The following KAZN variants were observed in gnomAD, a reference collection of about 807,000 sequenced individuals.
KAZN encodes kazrin, periplakin interacting protein, also known as kazrin.
Under a neutral mutation model 87.4 loss-of-function variants are expected in KAZN, and 40 were observed. That is an observed-to-expected ratio of 0.46 (90% CI 0.36 to 0.60). The LOEUF (loss-of-function observed/expected upper bound fraction) is 0.60. Among genes scored for constraint, KAZN ranks in the 20% least tolerant of loss-of-function variants. The probability of loss-of-function intolerance (pLI) is 0.00; values close to 1 mark genes in which losing one functional copy is unlikely to be tolerated. For synonymous variants in KAZN, 466 were observed against 458.3 expected (o/e 1.02, Z -0.22); for missense variants, 898 against 1,073.9 (o/e 0.84, Z 2.29).
chr1:14,249,567 T>C (rs1363404975), intron 2 of KAZN, among the ~76,000 whole-genome samples: 1 of 152,218 alleles, frequency 6.6e-6, no homozygotes. Flanking sequence ...GTCTTCATTG[T>C]CAGGCAGGCA....
At chr1:14,482,255 C>G (rs1218334714) in intron 2 of KAZN, among the ~76,000 whole-genome samples, 4 of 152,218 alleles carry the variant, frequency 2.6e-5, no homozygotes, top group African/African-American at 9.6e-5. Context: ...CAGACCAAGA[C>G]AAATTTCTAC....
intron 1 of KAZN, among the ~76,000 whole-genome samples, chr1:14,747,675 A>G (rs1481242518): frequency 6.6e-6 from 1 of 152,258 alleles, no homozygotes; most frequent in African/African-American, 2.4e-5. Flanking sequence ...AACATTAAAT[A>G]CAAGTATCAG....
chr1:14,389,367 A>T (rs186960692), intron 2 of KAZN, among the ~76,000 whole-genome samples: 37 of 152,370 alleles, frequency 2.4e-4, no homozygotes, highest in African/African-American at 8.4e-4. Context: ...TACTGAAAAG[A>T]AAGGAAATCT....
At position 14,056,015 on chromosome 1, in the gene KAZN, T is replaced by C. The variant is rs376002205; in HGVS notation, c.92-124420T>C. Among the ~76,000 whole-genome samples the C allele has an allele frequency of 3.9e-5, 6 of 152,116 alleles. No homozygotes were observed. In the East Asian group the frequency reaches 7.7e-4, roughly 20 times the overall value. On this transcript the variant is annotated intron_variant, in intron 1 of 16. Coordinates refer to the KAZN transcript ENST00000636203. ...TCTTATCACCACCTTAATCTGAATT[T>C]CTAGTTTCTGCACTTTGCTCTGTGA...
chr1:14,730,922 C>G (rs532637887), intron 1 of KAZN, among the ~76,000 whole-genome samples: 5 of 152,180 alleles, frequency 3.3e-5, no homozygotes, highest in Non-Finnish European at 5.9e-5. Context: ...GATGCCCACT[C>G]TTGGGCACAG....
At chr1:13,997,895 A>G (rs1044773809) in intron 1 of KAZN, among the ~76,000 whole-genome samples, 5 of 152,154 alleles carry the variant, frequency 3.3e-5, no homozygotes, top group Admixed American at 2.6e-4. Context: ...CCACAAGAAG[A>G]TCAGCCCCAA....
intron 1 of KAZN, among the ~76,000 whole-genome samples, chr1:14,040,192 G>A: frequency 6.6e-6 from 1 of 152,002 alleles, no homozygotes; most frequent in South Asian, 2.1e-4. Context: ...AACCCAACCT[G>A]GGTGACTCAT....
At chr1:14,852,148 G>A (rs1415107680) in intron 1 of KAZN, among the ~76,000 whole-genome samples, 1 of 152,122 alleles carries the variant, frequency 6.6e-6, no homozygotes, top group Admixed American at 6.5e-5. Context: ...CTCCTTCTCT[G>A]CGTCCCTATC....
chr1:14,714,928 G>A lies in KAZN; in HGVS notation c.226+115705G>A, dbSNP rs1225388096. Among the ~76,000 whole-genome samples the A allele has an allele frequency of 2.6e-5, 4 of 151,220 alleles. No individual in the cohort carries two copies. In the East Asian group the frequency reaches 7.8e-4, roughly 30 times the overall value. The stretch of plus-strand genomic sequence containing the variant: ...TCCTGCCTCAGCCTCCCAAGTAGCT[G>A]GAACTATAGGCACACACCATCATGC... On this transcript the variant is annotated intron_variant, in intron 1 of 14. Transcript: ENST00000376030.
chr1:14,319,077 G>A (rs1048255806), intron 2 of KAZN, among the ~76,000 whole-genome samples: 2 of 144,382 alleles, frequency 1.4e-5, no homozygotes, highest in Admixed American at 1.4e-4. Flanking sequence ...TCTGGTGATG[G>A]GCTCTGTTTT....
intron 1 of KAZN, among the ~76,000 whole-genome samples, chr1:14,950,903 G>T (rs371464808): frequency 6.6e-6 from 1 of 152,168 alleles, no homozygotes; most frequent in Non-Finnish European, 1.5e-5. Flanking sequence ...CCTGCAGGGT[G>T]TCTTGAGTCT....
chr1:14,088,170 T>C (rs1643896900), intron 1 of KAZN, among the ~76,000 whole-genome samples: 1 of 151,736 alleles, frequency 6.6e-6, no homozygotes, highest in South Asian at 2.1e-4. Flanking sequence ...TTAGATAAGC[T>C]TTTAGCTTTG....
chr1:14,231,903 C>T (rs956487649), intron 2 of KAZN, among the ~76,000 whole-genome samples: 2 of 152,136 alleles, frequency 1.3e-5, no homozygotes, highest in East Asian at 3.9e-4. Flanking sequence ...GCTCCTTTCC[C>T]CTGGAGATAC....
In KAZN at chr1:15,056,153, G is replaced by A. The variant is rs754892530; in HGVS notation, c.789G>A (p.Pro263=). The change falls in exon 5 of 15, where the codon CCG becomes CCA. Residue 263 remains proline, a synonymous_variant. Transcript: ENST00000376030. The surrounding 1 kb of genome is among the most constrained non-coding windows in gnomAD (Gnocchi z 5.4). ...CCAAGCGGCATTCCCTCGCCATGCC[G>A]GGCGAGACGGTGCTCAATGGCAACC... is the stretch of plus-strand genomic sequence containing the variant. The part of the protein sequence containing the change: ...DVPKRHSLAM[P]GETVLNGNQE... The A allele has an allele frequency of 1.7e-5, 27 of 1,614,056 alleles. No individual in the cohort carries two copies. Among genetic ancestry groups the A allele is most frequent in the African/African-American group, 4.0e-5 (3 of 74,954 alleles).
At chr1:14,655,990 G>A (rs1223035592) in intron 1 of KAZN, among the ~76,000 whole-genome samples, 1 of 152,114 alleles carries the variant, frequency 6.6e-6, no homozygotes. Context: ...GTTTTCACTT[G>A]GCACCCTCCC....
At position 14,718,046 on chromosome 1, in the gene KAZN, C is replaced by T. The variant is rs149804585; in HGVS notation, c.226+118823C>T. 2.8e-3 allele frequency among the ~76,000 whole-genome samples: 427 copies of T among 152,296 alleles called. 2 individuals carry two copies. The highest frequency in any genetic ancestry group is 0.01 in the African/African-American group (423 of 41,560). ...TCACCTGTGGTGACTGGGGTAGCAC[C>T]GCCAAAGACCGCCGGCATTGGCTGC... On this transcript the variant is annotated intron_variant, in intron 1 of 14. Coordinates refer to ENST00000376030, the MANE Select transcript of KAZN (RefSeq NM_201628.3).
chr1:13,939,469 G>T (rs1249184576), intron 1 of KAZN, among the ~76,000 whole-genome samples: 1 of 152,160 alleles, frequency 6.6e-6, no homozygotes, highest in Admixed American at 6.6e-5. Context: ...TGTCAGCCTG[G>T]ACCTAATTGT....
Position 14,211,487 on chromosome 1 carries a change from G to A in KAZN, c.249+30895G>A, listed in dbSNP as rs144238815. Among the ~76,000 whole-genome samples the A allele has an allele frequency of 6.5e-3, 989 of 152,252 alleles. 11 individuals carry two copies. Among genetic ancestry groups the A allele is most frequent in the African/African-American group, 0.023 (936 of 41,552 alleles). ...GATCTGCCCGCCTCGGCCTCCCAAA[G>A]TGCTGGGGTTACAGGCGTGAGCCAC... On this transcript the variant is annotated intron_variant, in intron 2 of 16. Transcript: ENST00000636203.
At chr1:14,975,155 C>T (rs1665467631) in intron 2 of KAZN, among the ~76,000 whole-genome samples, 1 of 152,228 alleles carries the variant, frequency 6.6e-6, no homozygotes. Context: ...CTGTGCCAGC[C>T]AGCTCCTGGG....
Sources: allele counts gnomAD v4.1 joint callset (sites outside exome capture counted in the v4.1 genomes callset), GRCh38; gene constraint gnomAD v4.1.1; non-coding constraint Gnocchi (gnomAD v3.1); transcripts MANE v1.5; gene names NCBI Gene and HGNC (gene_info 2026-07-23, HGNC 2026-07-21).